The following IMMP2L variants were observed in gnomAD, a reference collection of about 807,000 sequenced individuals.
The protein encoded by IMMP2L is mitochondrial inner membrane protease subunit 2.
In IMMP2L, 18 loss-of-function variants were observed where a neutral mutation model predicts 19.3. The observed-to-expected ratio is 0.93, with a 90% CI of 0.64 to 1.38. The LOEUF (loss-of-function observed/expected upper bound fraction) is 1.38. Among genes scored for constraint, IMMP2L ranks in the 40% most tolerant of loss-of-function variants. The pLI is 0.00. For missense variants in IMMP2L, 233 were observed against 218.2 expected (o/e 1.07, Z -0.43); for synonymous variants, 76 against 73.0 (o/e 1.04, Z -0.21).
At chr7:110,706,620 T>C (rs987315928) in intron 5 of IMMP2L, among the ~76,000 whole-genome samples, 7 of 152,172 alleles carry the variant, frequency 4.6e-5, no homozygotes, top group Non-Finnish European at 1.0e-4. Context: ...TGCTGAGCAT[T>C]TTTTCATGCT....
chr7:110,764,708 C>A (rs1321333255), intron 5 of IMMP2L, among the ~76,000 whole-genome samples: 1 of 152,036 alleles, frequency 6.6e-6, no homozygotes, highest in Non-Finnish European at 1.5e-5. Flanking sequence ...AGAATTATGA[C>A]TTCAAAGTGG....
chr7:110,703,983 C>T (rs944625106), intron 5 of IMMP2L, among the ~76,000 whole-genome samples: 5 of 151,902 alleles, frequency 3.3e-5, no homozygotes, highest in Admixed American at 2.0e-4. Flanking sequence ...GTAGCTGGGA[C>T]TACAGGAGCC....
In IMMP2L at chr7:110,727,613, C is replaced by T. The variant is rs531217104; in HGVS notation, c.409-63892G>A. Among the ~76,000 whole-genome samples the T allele has an allele frequency of 6.6e-6, 1 of 151,768 alleles. No homozygotes were observed. The highest frequency in any genetic ancestry group is 2.4e-5 in the African/African-American group (1 of 41,374). ...GGGAAAGAGAGAGGAGACCAAGTAT[C>T]CTTTCCCCACTGCAGGTTTCCTGCC... is the stretch of plus-strand genomic sequence containing the variant. On this transcript the variant is annotated intron_variant, in intron 5 of 5. Transcript: ENST00000405709. The surrounding 1 kb of genome is among the most constrained non-coding windows in gnomAD (Gnocchi z 4.3).
At chr7:110,844,363 C>T (rs1359765959) in intron 5 of IMMP2L, among the ~76,000 whole-genome samples, 1 of 151,952 alleles carries the variant, frequency 6.6e-6, no homozygotes, top group East Asian at 1.9e-4. Context: ...AAACATGGAA[C>T]TAGATCTTGT....
rs570459641 is a variant in IMMP2L at position 110,679,191 on chromosome 7, A to G, written c.409-15470T>C. Among the ~76,000 whole-genome samples the G allele has an allele frequency of 2.6e-5, 4 of 152,182 alleles. 1 individual carries two copies. In the East Asian group the frequency reaches 7.7e-4, roughly 29 times the overall value. On this transcript the variant is annotated intron_variant, in intron 5 of 5. Coordinates refer to ENST00000405709, the MANE Select transcript of IMMP2L (RefSeq NM_032549.4). Reference sequence around the variant, plus strand: ...CAGGCCTCCGGGGGTATCTCCAGCTAATTTTCATGAATTAATTTCCCAGGA... The same window carrying G: ...CAGGCCTCCGGGGGTATCTCCAGCTGATTTTCATGAATTAATTTCCCAGGA...
intron 5 of IMMP2L, among the ~76,000 whole-genome samples, chr7:110,685,268 C>T (rs996360047): frequency 3.3e-5 from 5 of 152,222 alleles, no homozygotes; most frequent in Non-Finnish European, 7.4e-5. Flanking sequence ...GTCAGAAAAC[C>T]AGGTTTACTT....
chr7:111,257,666 A>G (rs1337794169), intron 3 of IMMP2L, among the ~76,000 whole-genome samples: 1 of 152,156 alleles, frequency 6.6e-6, no homozygotes, highest in Non-Finnish European at 1.5e-5. Context: ...TCGTTTCTCT[A>G]TAAATTAAAA....
At chr7:111,146,929 T>C (rs1352486589) in intron 3 of IMMP2L, among the ~76,000 whole-genome samples, 1 of 152,104 alleles carries the variant, frequency 6.6e-6, no homozygotes, top group African/African-American at 2.4e-5. Flanking sequence ...CTTTGTGTCA[T>C]ACGTTTCTTG....
In IMMP2L at chr7:111,562,350, G is replaced by T. The variant is rs926134950; in HGVS notation, c.-502C>A. 1 of 151,636 alleles carries T rather than the reference G, an allele frequency of 6.6e-6. No homozygotes were observed. The highest frequency in any genetic ancestry group is 1.5e-5 in the Non-Finnish European group (1 of 67,904). The allele number at this position is 151,636 out of a possible 1,614,324, so 9.4% of individuals were successfully genotyped here. On this transcript the variant is annotated 5_prime_UTR_variant, in exon 1 of 6. Transcript: ENST00000405709. ...GCCGGGGCCGGGGCCGACTCCCAGGGAAGGGTCCCCAGCCCAAGAGACCAC... is the reference window on the plus strand; with the variant it reads ...GCCGGGGCCGGGGCCGACTCCCAGGTAAGGGTCCCCAGCCCAAGAGACCAC...
At chr7:111,500,382 G>C (rs1448527643) in intron 2 of IMMP2L, among the ~76,000 whole-genome samples, 1 of 152,174 alleles carries the variant, frequency 6.6e-6, no homozygotes, top group Non-Finnish European at 1.5e-5. Context: ...TCTGGGGGCA[G>C]GGCACAGACA....
intron 3 of IMMP2L, among the ~76,000 whole-genome samples, chr7:111,076,292 T>A (rs1277009291): frequency 6.6e-6 from 1 of 152,316 alleles, no homozygotes; most frequent in African/African-American, 2.4e-5. Context: ...AGGTGATTCA[T>A]AAGTCTGAGA....
rs536963515 is a variant in IMMP2L, at chr7:111,444,296, A to T, written c.239+42942T>A. On this transcript the variant is annotated intron_variant, in intron 3 of 5. Transcript: ENST00000405709. ...TATGTTCACATAGATGTATATGTAT[A>T]TGCACACACATGCACATAACAAGAA... 4.6e-5 allele frequency among the ~76,000 whole-genome samples: 7 copies of T among 152,290 alleles called. No individual in the cohort carries two copies. In the East Asian group the frequency reaches 9.6e-4, roughly 21 times the overall value.
intron 3 of IMMP2L, among the ~76,000 whole-genome samples, chr7:111,013,444 G>A (rs1774347995): frequency 6.6e-6 from 1 of 152,132 alleles, no homozygotes; most frequent in Admixed American, 6.6e-5. Context: ...TTCGAGGTAA[G>A]ACTGAAAGAA....
At chr7:110,716,674 A>G (rs181918377) in intron 5 of IMMP2L, among the ~76,000 whole-genome samples, 2 of 152,334 alleles carry the variant, frequency 1.3e-5, no homozygotes, top group East Asian at 3.9e-4. Flanking sequence ...GTTTGCTGTT[A>G]GCCTGATGAG....
chr7:111,223,646 A>G (rs144331382), intron 3 of IMMP2L, among the ~76,000 whole-genome samples: 5 of 152,192 alleles, frequency 3.3e-5, no homozygotes, highest in African/African-American at 9.6e-5. Flanking sequence ...AACATGCTTA[A>G]TTACCCAGCA....
At chr7:111,277,230 A>G (rs1377143987) in intron 3 of IMMP2L, among the ~76,000 whole-genome samples, 1 of 152,074 alleles carries the variant, frequency 6.6e-6, no homozygotes, top group Non-Finnish European at 1.5e-5. Context: ...AATATCCAGA[A>G]CCTACAACGA....
intron 3 of IMMP2L, among the ~76,000 whole-genome samples, chr7:111,075,140 T>C (rs2129575757): frequency 1.6e-5 from 1 of 63,380 alleles, no homozygotes; most frequent in Non-Finnish European, 4.1e-5. Context: ...TTTTTTTTTT[T>C]TTTTGAGATG....
intron 3 of IMMP2L, among the ~76,000 whole-genome samples, chr7:111,015,885 A>T (rs944126279): frequency 6.6e-6 from 1 of 152,052 alleles, no homozygotes; most frequent in African/African-American, 2.4e-5. Context: ...AACACCAAAG[A>T]CTCTTAAGCA....
chr7:111,198,596 C>G (rs541623251), intron 3 of IMMP2L, among the ~76,000 whole-genome samples: 1 of 152,158 alleles, frequency 6.6e-6, no homozygotes, highest in African/African-American at 2.4e-5. Flanking sequence ...TCCCTAAACA[C>G]GCCCTGATAA....
Sources: gnomAD v4.1 joint callset for allele counts (sites outside exome capture counted in the v4.1 genomes callset) on GRCh38, gnomAD v4.1.1 for gene constraint, Gnocchi (gnomAD v3.1) non-coding constraint, MANE v1.5 for transcripts, NCBI Gene and HGNC (gene_info 2026-07-23, HGNC 2026-07-21) for gene names.